CREB5: variants seen among roughly 807,000 people sequenced by gnomAD.
CREB5 encodes the protein cyclic AMP-responsive element-binding protein 5.
Under a neutral mutation model 57.1 loss-of-function variants are expected in CREB5, and 19 were observed. That is an observed-to-expected ratio of 0.33 (90% confidence interval 0.23 to 0.49). The LOEUF (loss-of-function observed/expected upper bound fraction) is 0.49, where lower values mean the gene tolerates loss of function less well. Ranked by LOEUF, CREB5 falls within the 20% of genes least tolerant of loss-of-function variation. CREB5 has a pLI of 0.99. For synonymous variants in CREB5, 238 were observed against 238.3 expected (o/e 1.00, Z 0.01); for missense variants, 579 against 671.6 (o/e 0.86, Z 1.52).
At chr7:28,357,545 T>G (rs1786371931) in intron 1 of CREB5, among the ~76,000 whole-genome samples, 1 of 152,142 alleles carries the variant, frequency 6.6e-6, no homozygotes, top group African/African-American at 2.4e-5. Context: ...TTCGTGGGTC[T>G]TTTTTCACTT....
chr7:28,334,843 G>T (rs1177794840), intron 1 of CREB5, among the ~76,000 whole-genome samples: 1 of 152,168 alleles, frequency 6.6e-6, no homozygotes, highest in African/African-American at 2.4e-5. Flanking sequence ...TGAGGTCTTA[G>T]ATTTAAGTCT....
rs1795416017 is a variant in CREB5, at chr7:28,564,791, G to A, written c.292-5574G>A. 2.0e-5 allele frequency among the ~76,000 whole-genome samples: 3 copies of A among 152,158 alleles called. No individual in the cohort carries two copies. The South Asian group carries it at 6.2e-4, about 32-fold the overall frequency. Reference sequence around the variant, plus strand: ...TTGAATCATGATCCCTTGGGGTTTGGCAGAAAGCTATAATTTTTGGGAGGC... The same window carrying A: ...TTGAATCATGATCCCTTGGGGTTTGACAGAAAGCTATAATTTTTGGGAGGC... On this transcript the variant is annotated intron_variant, in intron 4 of 10. Coordinates refer to ENST00000357727, the MANE Select transcript of CREB5 (RefSeq NM_182898.4).
chr7:28,732,968 C>T (rs916980110), intron 7 of CREB5, among the ~76,000 whole-genome samples: 1 of 151,400 alleles, frequency 6.6e-6, no homozygotes, highest in Admixed American at 6.6e-5. Flanking sequence ...CTGGATTGTA[C>T]TAAATGATTG....
chr7:28,357,538 G>C (rs371999252), intron 1 of CREB5, among the ~76,000 whole-genome samples: 11 of 152,098 alleles, frequency 7.2e-5, no homozygotes, highest in African/African-American at 2.2e-4. Context: ...AATTTTTTTC[G>C]TGGGTCTTTT....
chr7:28,367,531 C>T lies in CREB5; in HGVS notation c.-25+68090C>T, dbSNP rs190883264. ...GCTACCTTTAAAACATAGCCTAGGC[C>T]GGGCACGGTAGCTCATACCTGTAAT... On this transcript the variant is annotated intron_variant, in intron 1 of 9. Coordinates refer to the CREB5 transcript ENST00000396299. Among the ~76,000 whole-genome samples the T allele has an allele frequency of 8.3e-3, 1,267 of 152,280 alleles. 12 individuals carry two copies. Among genetic ancestry groups the T allele is most frequent in the Admixed American group, 0.016 (246 of 15,292 alleles).
At chr7:28,788,184 C>T (rs1807447691) in intron 7 of CREB5, among the ~76,000 whole-genome samples, 1 of 152,014 alleles carries the variant, frequency 6.6e-6, no homozygotes, top group South Asian at 2.1e-4. Flanking sequence ...GTAGTCTGTC[C>T]GGTACATTGT....
chr7:28,392,525 G>T (rs1278842555), intron 1 of CREB5, among the ~76,000 whole-genome samples: 1 of 152,168 alleles, frequency 6.6e-6, no homozygotes, highest in African/African-American at 2.4e-5. Context: ...CCTTGCTTCT[G>T]ACAGCCCAGG....
rs372429780 is a variant in CREB5, at chr7:28,503,377, ACTCT to A, written c.170-4235_170-4232del. Among the ~76,000 whole-genome samples the A allele has an allele frequency of 2.2e-3, 328 of 152,086 alleles. 1 individual carries two copies. The highest frequency in any genetic ancestry group is 7.4e-3 in the African/African-American group (308 of 41,470). On this transcript the variant is annotated intron_variant, in intron 3 of 10. Coordinates refer to ENST00000357727, the MANE Select transcript of CREB5 (RefSeq NM_182898.4). ...ATAGAACTGCATTACAATCCTACTG[ACTCT>A]CTCCTATCTTAAAGGAACAGTTTTG...
chr7:28,442,664 A>T lies in CREB5; in HGVS notation c.3+29747A>T, dbSNP rs563948850. ...TAATAGCCATTCTAACTGGGGTGAG[A>T]TGATATCTCGTTGTGGTTTTGATTT... On this transcript the variant is annotated intron_variant, in intron 1 of 10. Coordinates refer to ENST00000357727, the MANE Select transcript of CREB5 (RefSeq NM_182898.4). 1.8e-4 allele frequency among the ~76,000 whole-genome samples: 28 copies of T among 152,234 alleles called. No homozygotes were observed. In the South Asian group the frequency reaches 2.9e-3, roughly 16 times the overall value.
intron 5 of CREB5, among the ~76,000 whole-genome samples, chr7:28,683,082 G>A (rs1800682942): frequency 6.6e-6 from 1 of 152,326 alleles, no homozygotes. Flanking sequence ...GACCTAGCCT[G>A]TTGGCCGGGG....
At chr7:28,735,168 G>A (rs772456010) in intron 7 of CREB5, among the ~76,000 whole-genome samples, 2 of 151,738 alleles carry the variant, frequency 1.3e-5, no homozygotes, top group Non-Finnish European at 2.9e-5. Flanking sequence ...TTTTTGCTTG[G>A]AAGCAGTGTT....
chr7:28,599,974 T>C (rs1796851451), intron 5 of CREB5, among the ~76,000 whole-genome samples: 1 of 152,114 alleles, frequency 6.6e-6, no homozygotes, highest in Non-Finnish European at 1.5e-5. Flanking sequence ...ATAATTGAGT[T>C]ATTAAAAGCA....
At chr7:28,421,804 A>T (rs1291681813) in intron 1 of CREB5, among the ~76,000 whole-genome samples, 1 of 148,740 alleles carries the variant, frequency 6.7e-6, no homozygotes, top group Non-Finnish European at 1.5e-5. Flanking sequence ...ATATATACAC[A>T]CACCATATAT....
chr7:28,639,606 GAGT>G (rs2128699167), intron 5 of CREB5, among the ~76,000 whole-genome samples: 1 of 152,250 alleles, frequency 6.6e-6, no homozygotes, highest in African/African-American at 2.4e-5. Context: ...ACTGGAACTT[GAGT>G]AGTGCAGGCC....
chr7:28,655,297 TAC>T (rs1799293429), intron 5 of CREB5, among the ~76,000 whole-genome samples: 1 of 152,190 alleles, frequency 6.6e-6, no homozygotes, highest in East Asian at 1.9e-4. Flanking sequence ...TCTGAAAACA[TAC>T]ACTAAAAAGC....
chr7:28,342,087 C>T (rs989833842), intron 1 of CREB5, among the ~76,000 whole-genome samples: 5 of 152,306 alleles, frequency 3.3e-5, no homozygotes, highest in African/African-American at 7.2e-5. Context: ...AGCACCTGGA[C>T]AGTCTTGAAA....
At chr7:28,585,237 C>G (rs899174641) in intron 5 of CREB5, among the ~76,000 whole-genome samples, 1 of 152,178 alleles carries the variant, frequency 6.6e-6, no homozygotes, top group African/African-American at 2.4e-5. Flanking sequence ...GGTATGGGGG[C>G]TTTTCAACTC....
At chr7:28,679,394 A>T (rs1405467184) in intron 5 of CREB5, among the ~76,000 whole-genome samples, 1 of 152,040 alleles carries the variant, frequency 6.6e-6, no homozygotes, top group Non-Finnish European at 1.5e-5. Context: ...AGCCTTGGAA[A>T]CCAGTGGCTT....
In CREB5 at chr7:28,494,998, A is replaced by T; in HGVS notation, c.168A>T (p.Ser56=). 6.3e-7 allele frequency: 1 copy of T among 1,594,220 alleles called. No homozygotes were observed. Among genetic ancestry groups the T allele is most frequent in the Non-Finnish European group, 8.5e-7 (1 of 1,173,184 alleles). Reference sequence around the variant, plus strand: ...CAATAAAAACAGACAATATGTTATCAGGTAAGGAGCCATCAGGAAAAGAAG... The same window carrying T: ...CAATAAAAACAGACAATATGTTATCTGGTAAGGAGCCATCAGGAAAAGAAG... ...FPSIKTDNML[S]DQTPTPTRFL... The change falls in exon 3 of 11, where the codon TCA becomes TCT. Residue 56 remains serine (S), a splice_region_variant and synonymous_variant. Transcript: ENST00000357727.
Sources: allele counts gnomAD v4.1 joint callset (sites outside exome capture counted in the v4.1 genomes callset), GRCh38; gene constraint gnomAD v4.1.1; transcripts MANE v1.5; gene names NCBI Gene and HGNC (gene_info 2026-07-23, HGNC 2026-07-21).